The following DAPL1 variants were observed in gnomAD, a reference collection of about 807,000 sequenced individuals.
The protein encoded by DAPL1 is death associated protein like 1, also known as death-associated protein-like 1.
DAPL1 carries 17 observed loss-of-function variants against 12.9 expected under a neutral mutation model. The ratio of observed to expected loss-of-function variants is 1.32; its 90% CI spans 0.90 to 1.98. The LOEUF is 1.98. Ranked by LOEUF, DAPL1 falls within the 30% of genes most tolerant of loss-of-function variation. DAPL1 has a pLI of 0.00. For synonymous variants in DAPL1, 51 were observed against 42.0 expected, an observed-to-expected ratio of 1.21 and a Z score of -0.82; for missense variants, 157 against 125.7, an observed-to-expected ratio of 1.25 and a Z score of -1.19.
Position 158,799,915 on chromosome 2 carries a change from T to G in DAPL1, c.59-4367T>G, listed in dbSNP as rs531362056. ...GATGAGGAATTCCCATGTTTATGGTTTAGCTGGGTGTGGTGGCGGGCACCT... is the reference window on the plus strand; with the variant it reads ...GATGAGGAATTCCCATGTTTATGGTGTAGCTGGGTGTGGTGGCGGGCACCT... On this transcript the variant is annotated intron_variant, in intron 1 of 3. Coordinates refer to ENST00000309950, the MANE Select transcript of DAPL1 (RefSeq NM_001017920.3). Among the ~76,000 whole-genome samples the G allele has an allele frequency of 5.9e-5, 9 of 152,176 alleles. No individual in the cohort carries two copies. In the South Asian group the frequency reaches 1.9e-3, roughly 32 times the overall value.
chr2:158,814,257 C>T (rs979394330), intron 3 of DAPL1, among the ~76,000 whole-genome samples: 2 of 152,054 alleles, frequency 1.3e-5, no homozygotes, highest in African/African-American at 4.8e-5. Context: ...TTGTAAAATG[C>T]ATGTCATATG....
chr2:158,797,666 C>T (rs2059142032), intron 1 of DAPL1, among the ~76,000 whole-genome samples: 1 of 152,070 alleles, frequency 6.6e-6, no homozygotes, highest in Non-Finnish European at 1.5e-5. Flanking sequence ...GGGCATGTGC[C>T]TGTAATCCCA....
At chr2:158,803,442 TA>T (rs1046279298) in intron 1 of DAPL1, among the ~76,000 whole-genome samples, 9 of 152,286 alleles carry the variant, frequency 5.9e-5, no homozygotes, top group African/African-American at 2.2e-4. Flanking sequence ...TAAAAAGAAT[TA>T]ACAGGCTCAA....
chr2:158,800,015 G>A (rs917839890), intron 1 of DAPL1, among the ~76,000 whole-genome samples: 2 of 145,506 alleles, frequency 1.4e-5, no homozygotes, highest in Non-Finnish European at 3.0e-5. Flanking sequence ...AGTGAGCCGA[G>A]ATCGCTCCAT....
chr2:158,810,836 G>C (rs13389541), intron 3 of DAPL1, among the ~76,000 whole-genome samples: 2 of 152,132 alleles, frequency 1.3e-5, no homozygotes, highest in Non-Finnish European at 2.9e-5. Context: ...AGCTCTTTAG[G>C]CTAGAAATCT....
At position 158,795,662 on chromosome 2, in the gene DAPL1, T is replaced by C. The variant is rs374844555; in HGVS notation, c.58+232T>C. Among the ~76,000 whole-genome samples, 3 of 152,288 alleles carry C rather than the reference T, an allele frequency of 2.0e-5. No individual in the cohort carries two copies. In the East Asian group the frequency reaches 5.8e-4, roughly 29 times the overall value. On this transcript the variant is annotated intron_variant, in intron 1 of 3. Coordinates refer to ENST00000309950, the MANE Select transcript of DAPL1 (RefSeq NM_001017920.3). ...TAAAACCTAATTACCTACGGCAGTG[T>C]ATGGATTTGGGGCTTGTGGAAAGGC...
rs553886335 is a variant in DAPL1, at chr2:158,805,948, G to A, written c.147-1107G>A. ...AAAAGAAAAATAACCAAAAATGACC[G>A]ATATGAAATGGGTAGGGCCCCTCCC... On this transcript the variant is annotated intron_variant, in intron 2 of 3. Transcript: ENST00000309950. 1.1e-4 allele frequency among the ~76,000 whole-genome samples: 17 copies of A among 148,116 alleles called. 1 individual carries two copies. In the South Asian group the frequency reaches 2.7e-3, roughly 24 times the overall value.
chr2:158,804,918 A>G (rs1329076690), intron 2 of DAPL1, among the ~76,000 whole-genome samples: 1 of 152,212 alleles, frequency 6.6e-6, no homozygotes, highest in Admixed American at 6.5e-5. Flanking sequence ...CGCCTGCCCT[A>G]TTCTCAGAAC....
chr2:158,801,518 T>C (rs1231962120), intron 1 of DAPL1, among the ~76,000 whole-genome samples: 1 of 152,230 alleles, frequency 6.6e-6, no homozygotes, highest in African/African-American at 2.4e-5. Context: ...AATTTCATTT[T>C]TGTTGCAGAT....
chr2:158,809,496 C>T (rs1485335561), intron 3 of DAPL1, among the ~76,000 whole-genome samples: 1 of 152,108 alleles, frequency 6.6e-6, no homozygotes, highest in African/African-American at 2.4e-5. Flanking sequence ...GTCCTGGCAT[C>T]AGCCATAGGC....
Position 158,815,783 on chromosome 2 carries a change from A to G in DAPL1, c.286A>G (p.Lys96Glu). ...TGCTCTGGAAAAGGTTGTTCCACTG[A>G]AAAGGATCTACATTATTCAGCAGCC... Reference protein sequence around the residue: ...TPALEKVVPLKRIYIIQQPRK... With the variant: ...TPALEKVVPLERIYIIQQPRK... The change falls in exon 4 of 4, where the codon AAA becomes GAA. Residue 96 changes from lysine (K) to glutamate (E), a missense_variant. Transcript: ENST00000309950. The G allele has an allele frequency of 6.2e-7, 1 of 1,613,938 alleles. No homozygotes were observed. The highest frequency in any genetic ancestry group is 2.2e-5 in the East Asian group (1 of 44,888).
At chr2:158,800,634 A>C (rs1272105328) in intron 1 of DAPL1, among the ~76,000 whole-genome samples, 1 of 152,086 alleles carries the variant, frequency 6.6e-6, no homozygotes, top group South Asian at 2.1e-4. Flanking sequence ...TCACCAGTAA[A>C]CTGCTCCTCT....
At chr2:158,799,292 AT>A (rs774956265) in intron 1 of DAPL1, among the ~76,000 whole-genome samples, 9 of 152,200 alleles carry the variant, frequency 5.9e-5, no homozygotes, top group Non-Finnish European at 1.0e-4. Flanking sequence ...ATCAGTTCAT[AT>A]TTTACTTTGC....
chr2:158,809,121 G>A (rs929337442), intron 3 of DAPL1, among the ~76,000 whole-genome samples: 11 of 152,028 alleles, frequency 7.2e-5, no homozygotes, highest in East Asian at 1.9e-4. Context: ...AGCACTTTGC[G>A]AGGCTGATGT....
At chr2:158,814,838 C>A (rs1345512627) in intron 3 of DAPL1, among the ~76,000 whole-genome samples, 1 of 152,068 alleles carries the variant, frequency 6.6e-6, no homozygotes, top group East Asian at 1.9e-4. Flanking sequence ...TCCTTGCTGG[C>A]CAAGGGAGGT....
chr2:158,795,378 A>G lies in DAPL1; in HGVS notation c.6A>G (p.Ala2=), dbSNP rs1316239875. 6.4e-7 allele frequency: 1 copy of G among 1,555,380 alleles called. No individual in the cohort carries two copies. Among genetic ancestry groups the G allele is most frequent in the Admixed American group, 1.9e-5 (1 of 51,352 alleles). ...CACTGGCACTGGCACACGCTATGGC[A>G]AATGAAGTGCAAGACCTGCTCTCCC... M[A]NEVQDLLSPR... is the part of the protein sequence containing the mutation. The change falls in exon 1 of 4, where the codon GCA becomes GCG. Residue 2 remains alanine, a synonymous_variant. Coordinates refer to ENST00000309950, the MANE Select transcript of DAPL1 (RefSeq NM_001017920.3).
intron 2 of DAPL1, among the ~76,000 whole-genome samples, chr2:158,805,717 C>A (rs2059197269): frequency 6.7e-6 from 1 of 148,604 alleles, no homozygotes; most frequent in Non-Finnish European, 1.5e-5. Flanking sequence ...ATCCACTGAA[C>A]AATGCAGGCA....
chr2:158,808,583 T>C (rs79362544), intron 3 of DAPL1, among the ~76,000 whole-genome samples: 6,022 of 152,260 alleles, frequency 0.04, 138 homozygotes, highest in Middle Eastern at 0.12. Flanking sequence ...CTACAGAGCC[T>C]TCTCACATGG....
In DAPL1 at chr2:158,815,855, G is replaced by A; in HGVS notation, c.*34G>A. 1 of 1,473,256 alleles carries A rather than the reference G, an allele frequency of 6.8e-7. No individual in the cohort carries two copies. The highest frequency in any genetic ancestry group is 9.5e-7 in the Non-Finnish European group (1 of 1,051,230). 91.3% of individuals were successfully genotyped at this position (1,473,256 alleles called of 1,614,324 possible). A position where few individuals can be genotyped will look rare whatever the true frequency, so the allele number is the denominator to read the frequency against. ...TTAAAACACAGCCGTCTGGCCAGCT[G>A]CCTCGAATATCTGACAGCTTAGCAA... is the stretch of plus-strand genomic sequence containing the variant. On this transcript the variant is annotated 3_prime_UTR_variant, in exon 4 of 4. Coordinates refer to ENST00000309950, the MANE Select transcript of DAPL1 (RefSeq NM_001017920.3).
Sources: gnomAD v4.1 joint callset for allele counts (sites outside exome capture counted in the v4.1 genomes callset) on GRCh38, gnomAD v4.1.1 for gene constraint, MANE v1.5 for transcripts, NCBI Gene and HGNC (gene_info 2026-07-23, HGNC 2026-07-21) for gene names.